PPP2R5D: variants seen among roughly 807,000 people sequenced by gnomAD.
PPP2R5D encodes the protein protein phosphatase 2 regulatory subunit B'delta, also known as serine/threonine-protein phosphatase 2A 56 kDa regulatory subunit delta isoform.
Under a neutral mutation model 79.1 loss-of-function variants are expected in PPP2R5D, and 12 were observed. That is an observed-to-expected ratio of 0.15 (90% CI 0.10 to 0.25). PPP2R5D has a LOEUF of 0.25. Among genes scored for constraint, PPP2R5D ranks in the 10% least tolerant of loss-of-function variants. The pLI is 1.00. For missense variants in PPP2R5D, 419 were observed against 760.2 expected (o/e 0.55, Z 5.28); for synonymous variants, 277 against 286.6 (o/e 0.97, Z 0.34).
chr6:43,012,151 T>G lies in PPP2R5D; in HGVS notation c.*865T>G, dbSNP rs993232184. 9.7e-7 allele frequency: 1 copy of G among 1,030,512 alleles called. No individual in the cohort carries two copies. The allele number at this position is 1,030,512 out of a possible 1,614,324, so 63.8% of individuals were successfully genotyped here. ...GCTATGCTGGGCAGGCCTTCTCTTG[T>G]CCCTTATAGGTACCTTGGAGGGGCC... On this transcript the variant is annotated 3_prime_UTR_variant, in exon 16 of 16. Transcript: ENST00000485511.
rs1762258781 is a variant in PPP2R5D at position 43,009,752 on chromosome 6, T to C, written c.1379+303T>C. 6.6e-6 allele frequency among the ~76,000 whole-genome samples: 1 copy of C among 152,084 alleles called. No individual in the cohort carries two copies. The highest frequency in any genetic ancestry group is 1.5e-5 in the Non-Finnish European group (1 of 68,004). On this transcript the variant is annotated intron_variant, in intron 12 of 15. Transcript: ENST00000485511. This position sits in a 1 kb window ranked among gnomAD's most constrained non-coding sequence, Gnocchi z 5.6. ...CAGTGAGAAGCTGATGTGACCTTCTTTGAGAGTATGTGTAAAGAATCCCAG... is the reference window on the plus strand; with the variant it reads ...CAGTGAGAAGCTGATGTGACCTTCTCTGAGAGTATGTGTAAAGAATCCCAG...
chr6:42,995,820 A>T (rs1397014990), intron 2 of PPP2R5D, among the ~76,000 whole-genome samples: 1 of 146,486 alleles, frequency 6.8e-6, no homozygotes, highest in African/African-American at 2.5e-5. Flanking sequence ...GGCTCAAGGG[A>T]TCTTTTCCCC....
intron 2 of PPP2R5D, among the ~76,000 whole-genome samples, chr6:42,998,208 G>A (rs1421580203): frequency 6.7e-6 from 1 of 148,926 alleles, no homozygotes; most frequent in Non-Finnish European, 1.5e-5. Flanking sequence ...TTGAGTAGCT[G>A]GGAATACAGG....
At chr6:42,998,290 G>A (rs1175398633) in intron 2 of PPP2R5D, among the ~76,000 whole-genome samples, 1 of 150,466 alleles carries the variant, frequency 6.6e-6, no homozygotes, top group African/African-American at 2.4e-5. Context: ...GGTCAGGCTG[G>A]TCTCAAACTC....
At position 43,007,243 on chromosome 6, in the gene PPP2R5D, A is replaced by G. The variant is rs947797301; in HGVS notation, c.570A>G (p.Thr190=). The G allele has an allele frequency of 2.5e-6, 4 of 1,613,996 alleles. No homozygotes were observed. Among genetic ancestry groups the G allele is most frequent in the Middle Eastern group, 1.6e-4 (1 of 6,084 alleles). The change falls in exon 5 of 16, where the codon ACA becomes ACG. Residue 190 remains threonine, a synonymous_variant. Coordinates refer to ENST00000485511, the MANE Select transcript of PPP2R5D (RefSeq NM_006245.4). This position sits in a 1 kb window ranked among gnomAD's most constrained non-coding sequence, Gnocchi z 4.5. ...CGCTGCCACCTTCATCGAATCCCACAGGGGCTGAGTTTGACCCAGAGGAAG... is the reference window on the plus strand; with the variant it reads ...CGCTGCCACCTTCATCGAATCCCACGGGGGCTGAGTTTGACCCAGAGGAAG... ...FRTLPPSSNP[T]GAEFDPEEDE... is the part of the protein sequence containing the mutation.
chr6:42,989,650 A>C lies in PPP2R5D; in HGVS notation c.67A>C (p.Ser23Arg). Residue 23 changes from serine to arginine, a missense_variant, in exon 2 of 16, where the codon AGC (serine) becomes CGC (arginine). Ser to Arg is a moderately radical substitution (Grantham distance 110). Transcript: ENST00000485511. The part of the protein sequence containing the change: ...KVAKCTAKPS[S>R]SGKDGGGENT... ...TGCCAAATGCACAGCCAAGCCTAGC[A>C]GCTCGGGCAAGGATGGTGGAGGCGA... is the stretch of plus-strand genomic sequence containing the variant. 6.2e-7 allele frequency: 1 copy of C among 1,614,072 alleles called. No homozygotes were observed. The highest frequency in any genetic ancestry group is 8.5e-7 in the Non-Finnish European group (1 of 1,179,934).
chr6:42,995,946 C>T (rs1771639505), intron 2 of PPP2R5D, among the ~76,000 whole-genome samples: 1 of 150,854 alleles, frequency 6.6e-6, no homozygotes, highest in African/African-American at 2.4e-5. Context: ...CTGCAGGCTC[C>T]GCCCCCCGGG....
Position 43,006,704 on chromosome 6 carries a change from C to G in PPP2R5D, c.322+25C>G. Reference sequence around the variant, plus strand: ...GGTACTTGGCAATTGGTCACAGGGGCTGTTTTACCAGTTCTAGTGGGCATC... The same window carrying G: ...GGTACTTGGCAATTGGTCACAGGGGGTGTTTTACCAGTTCTAGTGGGCATC... On this transcript the variant is annotated intron_variant, in intron 3 of 15. Transcript: ENST00000485511. The surrounding 1 kb of genome is among the most constrained non-coding windows in gnomAD (Gnocchi z 4.7). 6.2e-7 allele frequency: 1 copy of G among 1,608,582 alleles called. No homozygotes were observed. The highest frequency in any genetic ancestry group is 8.5e-7 in the Non-Finnish European group (1 of 1,176,440).
chr6:42,990,305 G>A (rs983831595), intron 2 of PPP2R5D, among the ~76,000 whole-genome samples: 1 of 152,188 alleles, frequency 6.6e-6, no homozygotes, highest in African/African-American at 2.4e-5. Context: ...TGCTCTGGAT[G>A]GTGAAAGATC....
rs1463950694 is a variant in PPP2R5D at position 43,006,089 on chromosome 6, T to A, written c.106-374T>A. Among the ~76,000 whole-genome samples the A allele has an allele frequency of 2.0e-5, 3 of 152,204 alleles. No individual in the cohort carries two copies. ...TCCTCATGTCTCTTCTTATTCCTCATGTGTCTTCTTATTCATCATGTGTCT... is the reference window on the plus strand; with the variant it reads ...TCCTCATGTCTCTTCTTATTCCTCAAGTGTCTTCTTATTCATCATGTGTCT... On this transcript the variant is annotated intron_variant, in intron 2 of 15. Transcript: ENST00000485511. This position sits in a 1 kb window ranked among gnomAD's most constrained non-coding sequence, Gnocchi z 4.7.
rs557305051 is a variant in PPP2R5D, at chr6:43,012,090, T to C, written c.*804T>C. ...GAAGCAGGGAGCGGTGCCCCAAGCA[T>C]GGCTCCTGCCAACACCTATTTATTT... On this transcript the variant is annotated 3_prime_UTR_variant, in exon 16 of 16. Coordinates refer to ENST00000485511, the MANE Select transcript of PPP2R5D (RefSeq NM_006245.4). 8 of 567,786 alleles carry C rather than the reference T, an allele frequency of 1.4e-5. No homozygotes were observed. In the East Asian group the frequency reaches 6.7e-4, roughly 48 times the overall value. 35.2% of individuals were successfully genotyped at this position (567,786 alleles called of 1,614,324 possible).
chr6:43,004,526 T>C (rs940039547), intron 2 of PPP2R5D, among the ~76,000 whole-genome samples: 1 of 151,772 alleles, frequency 6.6e-6, no homozygotes, highest in Non-Finnish European at 1.5e-5. Flanking sequence ...TTTCCTACTT[T>C]AGATTAGATT....
In PPP2R5D at chr6:43,006,364, C is replaced by A; in HGVS notation, c.106-99C>A. 6.6e-7 allele frequency: 1 copy of A among 1,505,494 alleles called. No individual in the cohort carries two copies. Among genetic ancestry groups the A allele is most frequent in the Non-Finnish European group, 8.9e-7 (1 of 1,125,808 alleles). 93.3% of individuals were successfully genotyped at this position (1,505,494 alleles called of 1,614,324 possible). Reference sequence around the variant, plus strand: ...GGGGCAGGAGACAGCTGCTCACTGCCCAGGCCTGTGCAGGCATAAACAGAC... The same window carrying A: ...GGGGCAGGAGACAGCTGCTCACTGCACAGGCCTGTGCAGGCATAAACAGAC... On this transcript the variant is annotated intron_variant, in intron 2 of 15. Transcript: ENST00000485511. This position sits in a 1 kb window ranked among gnomAD's most constrained non-coding sequence, Gnocchi z 4.7.
rs1272086526 is a variant in PPP2R5D at position 43,010,886 on chromosome 6, C to T, written c.1560C>T (p.Pro520=). Residue 520 remains proline (P), a synonymous_variant, in exon 15 of 16, where the codon CCC becomes CCT. Coordinates refer to ENST00000485511, the MANE Select transcript of PPP2R5D (RefSeq NM_006245.4). This position sits in a 1 kb window ranked among gnomAD's most constrained non-coding sequence, Gnocchi z 4.7. ...GTCCATGTCTCCTCACTCAGTATCC[C>T]ATGTTCCGAGCCCCTCCACCACTGC... ...EELARLNPQY[P]MFRAPPPLPP... is the part of the protein sequence containing the mutation. The T allele has an allele frequency of 1.9e-6, 3 of 1,613,228 alleles. No homozygotes were observed. The South Asian group carries it at 3.3e-5, about 18-fold the overall frequency.
intron 2 of PPP2R5D, among the ~76,000 whole-genome samples, chr6:42,997,891 G>T (rs1771819230): frequency 6.7e-6 from 1 of 149,564 alleles, no homozygotes; most frequent in African/African-American, 2.5e-5. Context: ...ATATTGTCCA[G>T]GCTGGTCTCG....
At chr6:42,987,728 A>T (rs565893677) in intron 1 of PPP2R5D, among the ~76,000 whole-genome samples, 2 of 152,202 alleles carry the variant, frequency 1.3e-5, no homozygotes, top group East Asian at 3.9e-4. Flanking sequence ...CTCCATGCCC[A>T]CTCACACCCA....
Position 43,006,690 on chromosome 6 carries a change from A to G in PPP2R5D, c.322+11A>G, listed in dbSNP as rs754857992. 1.2e-5 allele frequency: 20 copies of G among 1,612,090 alleles called. No individual in the cohort carries two copies. Among genetic ancestry groups the G allele is most frequent in the Middle Eastern group, 1.6e-4 (1 of 6,070 alleles). The stretch of plus-strand genomic sequence containing the variant: ...TTCCTGCCCTGAAAGGTACTTGGCA[A>G]TTGGTCACAGGGGCTGTTTTACCAG... On this transcript the variant is annotated intron_variant, in intron 3 of 15. Transcript: ENST00000485511. The surrounding 1 kb of genome is among the most constrained non-coding windows in gnomAD (Gnocchi z 4.7).
In PPP2R5D at chr6:43,009,316, C is replaced by T; in HGVS notation, c.1252-6C>T. On this transcript the variant is annotated splice_region_variant and splice_polypyrimidine_tract_variant and intron_variant, in intron 11 of 15. Coordinates refer to ENST00000485511, the MANE Select transcript of PPP2R5D (RefSeq NM_006245.4). The surrounding 1 kb of genome is among the most constrained non-coding windows in gnomAD (Gnocchi z 5.6). ...AGCACCCACCGAGTCTGCCTCTCCC[C>T]ACCAGGTGGCAGAGCGTGCTCTCTA... 1 of 1,614,124 alleles carries T rather than the reference C, an allele frequency of 6.2e-7. No individual in the cohort carries two copies. Among genetic ancestry groups the T allele is most frequent in the Non-Finnish European group, 8.5e-7 (1 of 1,180,030 alleles).
chr6:43,008,362 C>G lies in PPP2R5D; in HGVS notation c.918-5C>G. On this transcript the variant is annotated splice_region_variant and splice_polypyrimidine_tract_variant and intron_variant, in intron 8 of 15. Coordinates refer to ENST00000485511, the MANE Select transcript of PPP2R5D (RefSeq NM_006245.4). The surrounding 1 kb of genome is among the most constrained non-coding windows in gnomAD (Gnocchi z 4.2). ...TGGTCCTAACAAATGTCCCTTAATT[C>G]CTAGCATCATCAATGGCTTTGCCCT... The G allele has an allele frequency of 3.1e-6, 5 of 1,613,730 alleles. No homozygotes were observed. The highest frequency in any genetic ancestry group is 4.2e-6 in the Non-Finnish European group (5 of 1,179,682).
Sources: gnomAD v4.1 joint callset for allele counts (sites outside exome capture counted in the v4.1 genomes callset) on GRCh38, gnomAD v4.1.1 for gene constraint, Gnocchi (gnomAD v3.1) non-coding constraint, MANE v1.5 for transcripts, NCBI Gene and HGNC (gene_info 2026-07-23, HGNC 2026-07-21) for gene names.